Variants in CECR2 observed in about 807,000 individuals in gnomAD.
The protein encoded by CECR2 is CECR2 histone acetyl-lysine reader.
Under a neutral mutation model 154.5 loss-of-function variants are expected in CECR2, and 30 were observed. The observed-to-expected ratio is 0.19, with a 90% CI of 0.15 to 0.26. The LOEUF (loss-of-function observed/expected upper bound fraction) is 0.26. Ranked by LOEUF, CECR2 falls within the 10% of genes least tolerant of loss-of-function variation. CECR2 has a pLI of 1.00. For synonymous variants in CECR2, 725 were observed against 683.7 expected (o/e 1.06, Z -0.94); for missense variants, 1,743 against 1,829.3 (o/e 0.95, Z 0.86).
At chr22:17,452,142 T>A (rs5747166) in intron 1 of CECR2, among the ~76,000 whole-genome samples, 44,539 of 151,928 alleles carry the variant, frequency 0.29, 9,195 homozygotes, top group African/African-American at 0.55. Flanking sequence ...GCACAATCTC[T>A]GCTCACTGCA....
intron 1 of CECR2, among the ~76,000 whole-genome samples, chr22:17,410,125 GCACGCACCACCA>G: frequency 6.6e-6 from 1 of 151,542 alleles, no homozygotes; most frequent in South Asian, 2.1e-4. Context: ...GAGATTACAG[GCACGCACCACCA>G]CACCCAGCTA....
chr22:17,411,736 C>A (rs574151176), intron 1 of CECR2, among the ~76,000 whole-genome samples: 1 of 152,074 alleles, frequency 6.6e-6, no homozygotes, highest in South Asian at 2.1e-4. Flanking sequence ...TTATTGTAAA[C>A]ATTTTAGGAA....
intron 9 of CECR2, among the ~76,000 whole-genome samples, chr22:17,526,830 AG>A (rs1470976717): frequency 8.0e-5 from 12 of 149,948 alleles, no homozygotes; most frequent in Non-Finnish European, 1.2e-4. Flanking sequence ...AAAAAAAAAA[AG>A]AATTATATCT....
intron 14 of CECR2, among the ~76,000 whole-genome samples, chr22:17,541,539 C>A (rs1170303501): frequency 6.6e-6 from 1 of 152,166 alleles, no homozygotes; most frequent in Non-Finnish European, 1.5e-5. Context: ...TATAAGATTT[C>A]ATGGTAGCAG....
intron 1 of CECR2, among the ~76,000 whole-genome samples, chr22:17,416,333 G>GT (rs199846211): frequency 0.013 from 2,012 of 152,062 alleles, 49 homozygotes; most frequent in African/African-American, 0.046. Context: ...TATATGTTTA[G>GT]TTTTTTTCTA....
chr22:17,511,721 CTT>C, intron 7 of CECR2, 90 bp from the exon 8 acceptor site: 2 of 1,165,232 alleles, frequency 1.7e-6, no homozygotes, highest in South Asian at 1.5e-5. Context: ...TCATTGGCCA[CTT>C]TTTTACTGGC....
chr22:17,430,711 G>A (rs1002470166), intron 1 of CECR2, among the ~76,000 whole-genome samples: 17 of 151,884 alleles, frequency 1.1e-4, no homozygotes, highest in Admixed American at 3.9e-4. Context: ...ACACTCACTG[G>A]GGAAAAGAAC....
At chr22:17,360,453 C>T (rs767910448) in intron 1 of CECR2, among the ~76,000 whole-genome samples, 2 of 151,692 alleles carry the variant, frequency 1.3e-5, no homozygotes, top group East Asian at 2.0e-4. Flanking sequence ...AGGCCGAGGC[C>T]GGCAGATCAG....
intron 1 of CECR2, among the ~76,000 whole-genome samples, chr22:17,451,733 A>G (rs2054774348): frequency 6.6e-6 from 1 of 152,224 alleles, no homozygotes; most frequent in Admixed American, 6.5e-5. Context: ...ATCCTTCACC[A>G]GTTACAACTC....
chr22:17,422,850 C>G (rs753109062), intron 1 of CECR2, among the ~76,000 whole-genome samples: 3 of 152,044 alleles, frequency 2.0e-5, no homozygotes, highest in Non-Finnish European at 4.4e-5. Context: ...CTCTCTGGCA[C>G]TTCTTTTCAT....
intron 1 of CECR2, among the ~76,000 whole-genome samples, chr22:17,400,673 C>T (rs895289640): frequency 1.3e-5 from 2 of 152,188 alleles, no homozygotes; most frequent in African/African-American, 4.8e-5. Flanking sequence ...AGGGTTTGTT[C>T]TGTAAATACC....
At chr22:17,528,182 A>G (rs1217861953) in intron 9 of CECR2, among the ~76,000 whole-genome samples, 1 of 147,914 alleles carries the variant, frequency 6.8e-6, no homozygotes, top group African/African-American at 2.4e-5. Context: ...ATGAATGGAT[A>G]AAGAAAATGT....
intron 13 of CECR2, among the ~76,000 whole-genome samples, chr22:17,539,916 C>T (rs73159567): frequency 0.022 from 3,294 of 152,232 alleles, 52 homozygotes; most frequent in Middle Eastern, 0.044. Context: ...TCACTGCAAC[C>T]TCAAATTCTT....
intron 1 of CECR2, among the ~76,000 whole-genome samples, chr22:17,454,298 C>CA (rs2054819163): frequency 6.6e-6 from 1 of 151,850 alleles, no homozygotes; most frequent in East Asian, 1.9e-4. Context: ...GACCCTGTCA[C>CA]AAAAACCTGC....
intron 1 of CECR2, chr22:17,428,152 T>G (rs1392072004): frequency 2.6e-5 from 4 of 152,220 alleles, no homozygotes; most frequent in African/African-American, 9.7e-5. Context: ...TTCATATCCC[T>G]TGCCCACTTT....
In CECR2 at chr22:17,457,290, G is replaced by A. The variant is rs113984187; in HGVS notation, c.127-20298G>A. ...GATCCACCCGCCTCGGCCTCCCAAA[G>A]TACTGGGATTACAGGCGTGAGCCAC... is the stretch of plus-strand genomic sequence containing the variant. On this transcript the variant is annotated intron_variant, in intron 1 of 18. Coordinates refer to ENST00000262608, the MANE Select transcript of CECR2 (RefSeq NM_001290047.2). Among the ~76,000 whole-genome samples, 96 of 152,318 alleles carry A rather than the reference G, an allele frequency of 6.3e-4. 1 individual carries two copies. The highest frequency in any genetic ancestry group is 2.3e-3 in the African/African-American group (94 of 41,560).
chr22:17,446,853 C>G (rs1479275418), intron 1 of CECR2, among the ~76,000 whole-genome samples: 1 of 152,084 alleles, frequency 6.6e-6, no homozygotes, highest in Admixed American at 6.5e-5. Context: ...CAGCTTTATT[C>G]CCTTATTTGG....
intron 1 of CECR2, among the ~76,000 whole-genome samples, chr22:17,455,699 C>T (rs1217781982): frequency 6.6e-6 from 1 of 152,212 alleles, no homozygotes; most frequent in Non-Finnish European, 1.5e-5. Flanking sequence ...CTGCAACCTC[C>T]ATCTCCTGGG....
chr22:17,490,881 T>A (rs2055516759), intron 2 of CECR2, among the ~76,000 whole-genome samples: 2 of 98,362 alleles, frequency 2.0e-5, no homozygotes, highest in South Asian at 5.5e-4. Flanking sequence ...TAGCAATCAT[T>A]CCCTGTTTCC....
Sources: allele counts gnomAD v4.1 joint callset (sites outside exome capture counted in the v4.1 genomes callset), GRCh38; gene constraint gnomAD v4.1.1; transcripts MANE v1.5; gene names NCBI Gene and HGNC (gene_info 2026-07-23, HGNC 2026-07-21).